Variants in CRYL1 observed in about 807,000 individuals in gnomAD.
The protein encoded by CRYL1 is lambda-crystallin homolog.
Under a neutral mutation model 36.6 loss-of-function variants are expected in CRYL1, and 29 were observed. The ratio of observed to expected loss-of-function variants is 0.79; its 90% CI spans 0.59 to 1.08. The LOEUF (loss-of-function observed/expected upper bound fraction) is 1.08. Ranked by LOEUF, CRYL1 falls within the 50% of genes least tolerant of loss-of-function variation. CRYL1 has a pLI of 0.00. For synonymous variants in CRYL1, 152 were observed against 151.5 expected (o/e 1.00, Z -0.02); for missense variants, 411 against 407.9 (o/e 1.01, Z -0.06).
intron 3 of CRYL1, among the ~76,000 whole-genome samples, chr13:20,450,594 C>T (rs1226494891): frequency 1.3e-5 from 2 of 152,140 alleles, no homozygotes; most frequent in East Asian, 3.9e-4. Flanking sequence ...GAAATAGGAA[C>T]ACTTTTACAC....
At chr13:20,511,701 C>T (rs1210492752) in intron 2 of CRYL1, among the ~76,000 whole-genome samples, 4 of 152,170 alleles carry the variant, frequency 2.6e-5, no homozygotes, top group East Asian at 1.9e-4. Flanking sequence ...AACCCTGTTC[C>T]GTGACGGCAC....
intron 1 of CRYL1, among the ~76,000 whole-genome samples, chr13:20,514,496 T>C (rs956660278): frequency 6.6e-6 from 1 of 152,206 alleles, no homozygotes; most frequent in Non-Finnish European, 1.5e-5. Flanking sequence ...TCTGCGTAAC[T>C]GTCACAGTTT....
At chr13:20,454,192 G>GA (rs905661451) in intron 3 of CRYL1, among the ~76,000 whole-genome samples, 5 of 151,362 alleles carry the variant, frequency 3.3e-5, no homozygotes, top group Non-Finnish European at 7.4e-5. Flanking sequence ...ATTACATGGG[G>GA]AAAAAAAATC....
At chr13:20,472,264 A>C (rs2033076373) in intron 3 of CRYL1, among the ~76,000 whole-genome samples, 1 of 152,206 alleles carries the variant, frequency 6.6e-6, no homozygotes, top group South Asian at 2.1e-4. Flanking sequence ...TACCTTATAC[A>C]GTGTAAATGC....
intron 3 of CRYL1, among the ~76,000 whole-genome samples, chr13:20,472,089 G>A (rs1244106331): frequency 6.6e-6 from 1 of 152,010 alleles, no homozygotes; most frequent in Non-Finnish European, 1.5e-5. Context: ...TCCAACTCCT[G>A]ACCTCAGGTG....
At chr13:20,423,714 G>A (rs937742610) in intron 5 of CRYL1, among the ~76,000 whole-genome samples, 28 of 151,142 alleles carry the variant, frequency 1.9e-4, no homozygotes, top group Admixed American at 1.1e-3. Flanking sequence ...TTTGACTGGA[G>A]GCTCTCTCGG....
chr13:20,412,287 G>A (rs112109716), intron 6 of CRYL1, among the ~76,000 whole-genome samples: 1,871 of 152,060 alleles, frequency 0.012, 31 homozygotes, highest in African/African-American at 0.042. Flanking sequence ...AGAGACATAC[G>A]AGAGACTCTG....
At chr13:20,426,705 C>T in intron 5 of CRYL1, 1 of 985,408 alleles carries the variant, frequency 1.0e-6, no homozygotes, top group Non-Finnish European at 1.2e-6. Context: ...CCTCATCTGT[C>T]AATTTTACTA....
chr13:20,456,698 C>T (rs938559075), intron 3 of CRYL1, among the ~76,000 whole-genome samples: 1 of 151,056 alleles, frequency 6.6e-6, no homozygotes, highest in Non-Finnish European at 1.5e-5. Context: ...CCCTTCTTAG[C>T]AACCCCAGCT....
intron 2 of CRYL1, among the ~76,000 whole-genome samples, chr13:20,509,907 G>C (rs375193399): frequency 4.5e-4 from 69 of 152,320 alleles, no homozygotes; most frequent in African/African-American, 1.7e-3. Flanking sequence ...TCCAGCCTGA[G>C]CTACAGAGGG....
chr13:20,413,117 C>T (rs201481217), intron 6 of CRYL1, among the ~76,000 whole-genome samples, 165 bp downstream of exon 6: 36 of 152,316 alleles, frequency 2.4e-4, no homozygotes, highest in African/African-American at 8.7e-4. Flanking sequence ...CATCTCAGTA[C>T]ACAGCGTTTC....
chr13:20,473,140 GT>G (rs1010450644), intron 3 of CRYL1: 4 of 152,182 alleles, frequency 2.6e-5, no homozygotes, highest in African/African-American at 7.2e-5. Context: ...TCTAATTCTT[GT>G]TTTCCCACTT....
intron 6 of CRYL1, among the ~76,000 whole-genome samples, chr13:20,405,605 A>T (rs1359061946): frequency 1.3e-5 from 2 of 152,134 alleles, no homozygotes; most frequent in Non-Finnish European, 2.9e-5. Context: ...GTTGGCTTGT[A>T]CCTTGCTGGT....
intron 3 of CRYL1, among the ~76,000 whole-genome samples, chr13:20,486,154 G>A (rs960986883): frequency 3.3e-5 from 5 of 151,868 alleles, no homozygotes; most frequent in Admixed American, 6.6e-5. Flanking sequence ...TCCTGAGCTC[G>A]AGCAATCCGC....
chr13:20,480,173 G>A (rs2033247422), intron 3 of CRYL1, among the ~76,000 whole-genome samples: 2 of 152,202 alleles, frequency 1.3e-5, no homozygotes, highest in Admixed American at 6.5e-5. Context: ...GACCTGAGGT[G>A]AGTTTGAGAC....
chr13:20,430,800 G>A (rs749847796), intron 5 of CRYL1: 39 of 985,228 alleles, frequency 4.0e-5, no homozygotes, highest in Non-Finnish European at 4.5e-5. Flanking sequence ...AGTGAACATG[G>A]GCAAGGAGTC....
At chr13:20,452,624 A>T (rs7319327) in intron 3 of CRYL1, among the ~76,000 whole-genome samples, 28 of 152,272 alleles carry the variant, frequency 1.8e-4, no homozygotes, top group African/African-American at 6.5e-4. Flanking sequence ...TACTATATTG[A>T]TGGATACATG....
rs927860988 is a variant in CRYL1, at chr13:20,431,372, G to T, written c.633+730C>A. The T allele has an allele frequency of 1.2e-5, 12 of 985,268 alleles. No homozygotes were observed. The African/African-American group carries it at 1.9e-4, about 16-fold the overall frequency. 61.0% of individuals were successfully genotyped at this position (985,268 alleles called of 1,614,324 possible). On this transcript the variant is annotated intron_variant, in intron 5 of 7. Coordinates refer to ENST00000298248, the MANE Select transcript of CRYL1 (RefSeq NM_015974.3). ...CTTCCACAATGTTTTTGCAACACAG[G>T]CGTGGGCAGAGTCTTGCCTTCCCCC...
chr13:20,456,637 C>CACACACACA (rs72511414), intron 3 of CRYL1, among the ~76,000 whole-genome samples: 2 of 32,274 alleles, frequency 6.2e-5, no homozygotes, highest in African/African-American at 1.7e-4. Flanking sequence ...CACACACACA[C>CACACACACA]AAAGACCACG....
Sources: allele counts gnomAD v4.1 joint callset (sites outside exome capture counted in the v4.1 genomes callset), GRCh38; gene constraint gnomAD v4.1.1; transcripts MANE v1.5; gene names NCBI Gene and HGNC (gene_info 2026-07-23, HGNC 2026-07-21).